The following FOXO1 variants were observed in gnomAD, a reference collection of about 807,000 sequenced individuals.
The protein encoded by FOXO1 is forkhead box O1, also known as forkhead box protein O1.
A neutral mutation model predicts 44.1 loss-of-function variants in FOXO1; 6 were observed. That is an observed-to-expected ratio of 0.14 (90% CI 0.07 to 0.27). The LOEUF (loss-of-function observed/expected upper bound fraction) is 0.27. FOXO1 is among the 10% of genes least tolerant of loss of function. The probability of loss-of-function intolerance (pLI) is 1.00; values close to 1 mark genes in which losing one functional copy is unlikely to be tolerated. For synonymous variants in FOXO1, 380 were observed against 362.7 expected (o/e 1.05, Z -0.54); for missense variants, 737 against 888.8 (o/e 0.83, Z 2.17).
intron 1 of FOXO1, among the ~76,000 whole-genome samples, chr13:40,645,794 T>C (rs933261716): frequency 1.3e-4 from 20 of 152,162 alleles, no homozygotes; most frequent in African/African-American, 3.6e-4. Flanking sequence ...TCAAAAGTCA[T>C]GGCACTGGCC....
At chr13:40,614,243 C>T (rs151085365) in intron 1 of FOXO1, among the ~76,000 whole-genome samples, 1 of 152,218 alleles carries the variant, frequency 6.6e-6, no homozygotes, top group African/African-American at 2.4e-5. Context: ...TCATCGTCTT[C>T]GTCTCCTCTA....
intron 1 of FOXO1, among the ~76,000 whole-genome samples, chr13:40,591,624 G>A (rs538433809): frequency 3.3e-5 from 5 of 152,250 alleles, no homozygotes; most frequent in East Asian, 3.9e-4. Context: ...AAATAAGAAC[G>A]CTTTAGACCA....
At chr13:40,580,493 C>A (rs547961339) in intron 1 of FOXO1, among the ~76,000 whole-genome samples, 1 of 152,132 alleles carries the variant, frequency 6.6e-6, no homozygotes, top group Non-Finnish European at 1.5e-5. Context: ...CTTTACCTCT[C>A]CAGGCTTCAA....
At chr13:40,606,738 G>A (rs1220961198) in intron 1 of FOXO1, among the ~76,000 whole-genome samples, 1 of 152,082 alleles carries the variant, frequency 6.6e-6, no homozygotes, top group African/African-American at 2.4e-5. Flanking sequence ...GACACTACTT[G>A]CCAGATGTCA....
At chr13:40,623,011 A>G (rs556383492) in intron 1 of FOXO1, among the ~76,000 whole-genome samples, 31 of 152,332 alleles carry the variant, frequency 2.0e-4, no homozygotes, top group African/African-American at 7.5e-4. Flanking sequence ...ACACTTATAC[A>G]GCCAAATTCT....
intron 1 of FOXO1, among the ~76,000 whole-genome samples, chr13:40,616,188 T>G (rs1259183780): frequency 6.6e-6 from 1 of 152,242 alleles, no homozygotes; most frequent in Non-Finnish European, 1.5e-5. Context: ...GAGCTTTAGT[T>G]ACTTGGAATA....
intron 1 of FOXO1, among the ~76,000 whole-genome samples, chr13:40,581,352 T>C (rs866102622): frequency 1.3e-5 from 2 of 152,268 alleles, no homozygotes; most frequent in Admixed American, 6.5e-5. Context: ...ATAGTACAAA[T>C]TGTGTTTAAA....
At chr13:40,588,404 A>G (rs889815355) in intron 1 of FOXO1, among the ~76,000 whole-genome samples, 2 of 152,216 alleles carry the variant, frequency 1.3e-5, no homozygotes, top group Non-Finnish European at 2.9e-5. Context: ...TTTTCCATTT[A>G]TTGGGCTAAA....
At chr13:40,610,433 G>A (rs1474216306) in intron 1 of FOXO1, among the ~76,000 whole-genome samples, 1 of 152,126 alleles carries the variant, frequency 6.6e-6, no homozygotes, top group Non-Finnish European at 1.5e-5. Context: ...ATTGTAATAA[G>A]CAGGTAATCC....
chr13:40,623,655 C>T lies in FOXO1; in HGVS notation c.630+41928G>A, dbSNP rs184355882. Among the ~76,000 whole-genome samples the T allele has an allele frequency of 4.6e-5, 7 of 152,188 alleles. No individual in the cohort carries two copies. The East Asian group carries it at 7.7e-4, about 17-fold the overall frequency. On this transcript the variant is annotated intron_variant, in intron 1 of 2. Transcript: ENST00000379561. Reference sequence around the variant, plus strand: ...ATTAACAAATGTACAATTTCCAGATCACAGGAAATTAAAGTCTCACTACAC... The same window carrying T: ...ATTAACAAATGTACAATTTCCAGATTACAGGAAATTAAAGTCTCACTACAC...
intron 1 of FOXO1, among the ~76,000 whole-genome samples, chr13:40,630,110 G>A (rs1197647967): frequency 6.6e-6 from 1 of 152,106 alleles, no homozygotes; most frequent in East Asian, 1.9e-4. Context: ...AGGGAAGGAG[G>A]TTTAAAATAT....
intron 1 of FOXO1, among the ~76,000 whole-genome samples, chr13:40,598,254 G>A (rs1485448147): frequency 2.0e-5 from 3 of 152,172 alleles, no homozygotes; most frequent in Admixed American, 1.3e-4. Context: ...TAGCAACTTT[G>A]TCAAGTATGA....
chr13:40,624,033 G>GT (rs1479184771), intron 1 of FOXO1, among the ~76,000 whole-genome samples: 1 of 151,786 alleles, frequency 6.6e-6, no homozygotes, highest in Admixed American at 6.6e-5. Context: ...GAGCCCAGGA[G>GT]TTTGAGGCTG....
chr13:40,628,114 G>A (rs1221599055), intron 1 of FOXO1, among the ~76,000 whole-genome samples: 1 of 151,876 alleles, frequency 6.6e-6, no homozygotes, highest in Non-Finnish European at 1.5e-5. Context: ...TGGTGAATCT[G>A]GGTAACGGGT....
Position 40,570,331 on chromosome 13 carries a change from T to TA in FOXO1, c.631-9472dup, listed in dbSNP as rs755218446. Among the ~76,000 whole-genome samples, 167 of 148,738 alleles carry TA rather than the reference T, an allele frequency of 1.1e-3. 4 individuals carry two copies. In the East Asian group the frequency reaches 0.02, roughly 18 times the overall value. On this transcript the variant is annotated intron_variant, in intron 1 of 2. Coordinates refer to ENST00000379561, the MANE Select transcript of FOXO1 (RefSeq NM_002015.4). The stretch of plus-strand genomic sequence containing the variant: ...CTCCAAAAAAAAAAATAAAATAAAA[T>TA]AAAAAAAAGACCCCTAAGAGGTGAG...
rs539259638 is a variant in FOXO1 at position 40,587,393 on chromosome 13, G to A, written c.631-26533C>T. On this transcript the variant is annotated intron_variant, in intron 1 of 2. Coordinates refer to ENST00000379561, the MANE Select transcript of FOXO1 (RefSeq NM_002015.4). ...GAAGGAAAACAAAAATGACTGGAAA[G>A]TCCAGATAAGCCAAACAGCTATTTA... Among the ~76,000 whole-genome samples, 46 of 152,186 alleles carry A rather than the reference G, an allele frequency of 3.0e-4. 1 individual carries two copies. The highest frequency in any genetic ancestry group is 6.5e-4 in the African/African-American group (27 of 41,514).
Position 40,560,227 on chromosome 13 carries a change from G to T in FOXO1, c.1264C>A (p.Gln422Lys), listed in dbSNP as rs1216822865. The T allele has an allele frequency of 6.2e-7, 1 of 1,614,024 alleles. No homozygotes were observed. Among genetic ancestry groups the T allele is most frequent in the East Asian group, 2.2e-5 (1 of 44,880 alleles). ...TSLNSPSPNY[Q>K]KYTYGQSSMS... ...CTGGATTGGCCATATGTATATTTTTGGTAGTTTGGGCTGGGTGAATTCAAA... is the reference window on the plus strand; with the variant it reads ...CTGGATTGGCCATATGTATATTTTTTGTAGTTTGGGCTGGGTGAATTCAAA... The change falls in exon 2 of 3, where the codon CAA becomes AAA. Residue 422 changes from glutamine (Q) to lysine (K), a missense_variant. Physicochemically the swap from Gln to Lys is moderately conservative, Grantham distance 53 (BLOSUM62 1). Transcript: ENST00000379561. The surrounding 1 kb of genome is among the most constrained non-coding windows in gnomAD (Gnocchi z 5.1).
At position 40,555,781 on chromosome 13, in the gene FOXO1, T is replaced by G. The variant is rs1455626418; in HGVS notation, c.*3268A>C. 6.5e-6 allele frequency: 1 copy of G among 152,698 alleles called. No homozygotes were observed. Among genetic ancestry groups the G allele is most frequent in the Admixed American group, 6.5e-5 (1 of 15,286 alleles). 9.5% of individuals were successfully genotyped at this position (152,698 alleles called of 1,614,324 possible). On this transcript the variant is annotated 3_prime_UTR_variant, in exon 3 of 3. Transcript: ENST00000379561. ...CCAAGCCATTTAAACATAATTTATG[T>G]ACATTTATGGCTTTATACAATTATA... is the stretch of plus-strand genomic sequence containing the variant.
chr13:40,637,248 T>C (rs1409383453), intron 1 of FOXO1, among the ~76,000 whole-genome samples: 4 of 151,816 alleles, frequency 2.6e-5, no homozygotes, highest in Non-Finnish European at 5.9e-5. Flanking sequence ...ATTGAGGCCA[T>C]CCTGGCTAAC....
Sources: allele counts gnomAD v4.1 joint callset (sites outside exome capture counted in the v4.1 genomes callset), GRCh38; gene constraint gnomAD v4.1.1; non-coding constraint Gnocchi (gnomAD v3.1); transcripts MANE v1.5; gene names NCBI Gene and HGNC (gene_info 2026-07-23, HGNC 2026-07-21).